The following ARHGAP22 variants were observed in gnomAD, a reference collection of about 807,000 sequenced individuals.
ARHGAP22 encodes rho GTPase-activating protein 22.
In ARHGAP22, 48 loss-of-function variants were observed where a neutral mutation model predicts 59.1. The ratio of observed to expected loss-of-function variants is 0.81; its 90% CI spans 0.64 to 1.03. ARHGAP22 has a LOEUF of 1.03. Among genes scored for constraint, ARHGAP22 ranks in the 50% least tolerant of loss-of-function variants. ARHGAP22 has a pLI of 0.00. For missense variants in ARHGAP22, 1,015 were observed against 958.7 expected, an observed-to-expected ratio of 1.06 and a Z score of -0.78; for synonymous variants, 445 against 416.4, an observed-to-expected ratio of 1.07 and a Z score of -0.84.
intron 3 of ARHGAP22, among the ~76,000 whole-genome samples, chr10:48,489,677 C>G (rs1461399942): frequency 1.3e-5 from 2 of 151,806 alleles, no homozygotes; most frequent in African/African-American, 4.8e-5. Flanking sequence ...GTCTGTGTGG[C>G]CACTGTGTTT....
intron 3 of ARHGAP22, among the ~76,000 whole-genome samples, chr10:48,492,491 AG>A (rs1274048129): frequency 6.6e-6 from 1 of 152,230 alleles, no homozygotes; most frequent in African/African-American, 2.4e-5. Context: ...ATGTTTTAGC[AG>A]CTACACTCAA....
rs2048439169 is a variant in ARHGAP22, at chr10:48,473,678, A to G, written c.451+5958T>C. Among the ~76,000 whole-genome samples the G allele has an allele frequency of 2.0e-5, 3 of 152,250 alleles. No individual in the cohort carries two copies. In the South Asian group the frequency reaches 6.2e-4, roughly 32 times the overall value. On this transcript the variant is annotated intron_variant, in intron 4 of 9. Transcript: ENST00000249601. ...AAGGACACAGAGGTACAGCGAAGAT[A>G]AGAGGTGTGCCAGGTCATGCAGCAA...
intron 1 of ARHGAP22, among the ~76,000 whole-genome samples, chr10:48,586,907 C>T (rs61235893): frequency 0.056 from 8,520 of 152,222 alleles, 252 homozygotes; most frequent in Middle Eastern, 0.11. Context: ...TACTGGGCCC[C>T]CTTTCCCTCT....
chr10:48,454,229 AG>A, intron 6 of ARHGAP22, 68 bp from the exon 7 acceptor site: 1 of 962,836 alleles, frequency 1.0e-6, no homozygotes, highest in Non-Finnish European at 1.6e-6. Flanking sequence ...GACTGCGAGG[AG>A]GGGTGGGCAA....
chr10:48,593,567 T>A (rs2059892915), intron 1 of ARHGAP22, among the ~76,000 whole-genome samples: 1 of 152,278 alleles, frequency 6.6e-6, no homozygotes, highest in South Asian at 2.1e-4. Context: ...ACAGCGACAG[T>A]GCATCTGACA....
chr10:48,518,540 G>C (rs969214510), intron 3 of ARHGAP22, among the ~76,000 whole-genome samples: 4 of 152,242 alleles, frequency 2.6e-5, no homozygotes, highest in African/African-American at 9.6e-5. Context: ...GGTGACTTCA[G>C]GCAGAGAGAA....
At chr10:48,651,170 G>C (rs186559469) in intron 1 of ARHGAP22, among the ~76,000 whole-genome samples, 1 of 152,152 alleles carries the variant, frequency 6.6e-6, no homozygotes, top group Admixed American at 6.5e-5. Flanking sequence ...TCTGGAGGGG[G>C]AGCCTGGGAA....
chr10:48,457,950 G>C (rs1381350133), intron 5 of ARHGAP22, among the ~76,000 whole-genome samples: 4 of 133,486 alleles, frequency 3.0e-5, no homozygotes, highest in East Asian at 4.6e-4. Context: ...GGGACCTTCT[G>C]TTGGGGTTGG....
At chr10:48,574,324 A>G (rs2058578336) in intron 2 of ARHGAP22, among the ~76,000 whole-genome samples, 1 of 152,250 alleles carries the variant, frequency 6.6e-6, no homozygotes. Flanking sequence ...TGATAGGAAA[A>G]GAGAAATAAT....
intron 5 of ARHGAP22, 119 bp from the exon 6 acceptor site, chr10:48,455,253 T>C: frequency 8.1e-7 from 1 of 1,231,610 alleles, no homozygotes; most frequent in African/African-American, 1.5e-5. Context: ...TTGGGCGCAC[T>C]GGGGGCTGCA....
At chr10:48,583,795 GCTT>G (rs1303508442) in intron 1 of ARHGAP22, among the ~76,000 whole-genome samples, 1 of 152,156 alleles carries the variant, frequency 6.6e-6, no homozygotes, top group African/African-American at 2.4e-5. Context: ...CCACAGCGGG[GCTT>G]CTTCTTCAGC....
intron 1 of ARHGAP22, among the ~76,000 whole-genome samples, chr10:48,617,563 T>C (rs926254600): frequency 2.0e-5 from 3 of 151,966 alleles, no homozygotes; most frequent in African/African-American, 7.2e-5. Context: ...TTCAAAATCA[T>C]ACAAACACAT....
At chr10:48,615,169 C>T (rs1466649367) in intron 1 of ARHGAP22, among the ~76,000 whole-genome samples, 1 of 152,156 alleles carries the variant, frequency 6.6e-6, no homozygotes, top group East Asian at 1.9e-4. Flanking sequence ...GAAACTCTAA[C>T]CTAAGGCCAA....
rs2046957566 is a variant in ARHGAP22 at position 48,459,764 on chromosome 10, C to T, written c.579G>A (p.Leu193=). 1.2e-6 allele frequency: 2 copies of T among 1,614,060 alleles called. No individual in the cohort carries two copies. Among genetic ancestry groups the T allele is most frequent in the African/African-American group, 1.3e-5 (1 of 75,088 alleles). ...GGTTGGCCTGGCCTGGCATGCGGAA[C>T]AGCCCCTCCTCAGTGAGCCCGCGCT... ...IRERGLTEEG[L]FRMPGQANLV... is the part of the protein sequence containing the mutation. The change falls in exon 5 of 10, where the codon CTG becomes CTA. Residue 193 remains leucine (L), a synonymous_variant. Transcript: ENST00000249601.
At chr10:48,505,610 G>A (rs1191580104) in intron 3 of ARHGAP22, among the ~76,000 whole-genome samples, 1 of 152,170 alleles carries the variant, frequency 6.6e-6, no homozygotes, top group Non-Finnish European at 1.5e-5. Flanking sequence ...TCCTCCTTGT[G>A]GTTGGGGCAG....
chr10:48,583,259 A>T, intron 1 of ARHGAP22, 107 bp from the exon 2 acceptor site: 1 of 1,334,422 alleles, frequency 7.5e-7, no homozygotes, highest in Non-Finnish European at 1.0e-6. Flanking sequence ...ATGGGAGCCC[A>T]GGCCAGCAGG....
In ARHGAP22 at chr10:48,479,713, A is replaced by C. The variant is rs1270248383; in HGVS notation, c.374T>G (p.Leu125Arg). 6.2e-7 allele frequency: 1 copy of C among 1,608,438 alleles called. No individual in the cohort carries two copies. The highest frequency in any genetic ancestry group is 2.2e-5 in the East Asian group (1 of 44,740). Residue 125 changes from leucine (L) to arginine (R), a missense_variant, in exon 4 of 10, where the codon CTC becomes CGC. Leu to Arg is a moderately radical substitution (Grantham distance 102). Transcript: ENST00000249601. Reference sequence around the variant, plus strand: ...CATGTCACGCTGGGAGCTGGCCATGAGCAGGAGCGCCTCGGGGTTGGCCGG... The same window carrying C: ...CATGTCACGCTGGGAGCTGGCCATGCGCAGGAGCGCCTCGGGGTTGGCCGG... ...KVPANPEALL[L>R]MASSQRDMED... is the part of the protein sequence containing the mutation.
chr10:48,611,102 A>G (rs1271560313), intron 1 of ARHGAP22, among the ~76,000 whole-genome samples: 1 of 152,226 alleles, frequency 6.6e-6, no homozygotes, highest in Non-Finnish European at 1.5e-5. Context: ...AGCAGCTTTC[A>G]GGTAAAGAAT....
intron 2 of ARHGAP22, among the ~76,000 whole-genome samples, chr10:48,561,435 C>T (rs1205580119): frequency 6.6e-6 from 1 of 152,016 alleles, no homozygotes; most frequent in Non-Finnish European, 1.5e-5. Context: ...TTGGATTAGA[C>T]AAAGAGTTCT....
Sources: allele counts gnomAD v4.1 joint callset (sites outside exome capture counted in the v4.1 genomes callset), GRCh38; gene constraint gnomAD v4.1.1; transcripts MANE v1.5; gene names NCBI Gene and HGNC (gene_info 2026-07-23, HGNC 2026-07-21).